The following ANK1 variants were observed in gnomAD, a reference collection of about 807,000 sequenced individuals.
ANK1 encodes the protein ankyrin 1.
In ANK1, 51 loss-of-function variants were observed where a neutral mutation model predicts 210.4. The ratio of observed to expected loss-of-function variants is 0.24; its 90% CI spans 0.19 to 0.31. The LOEUF is 0.31. ANK1 is among the 10% of genes least tolerant of loss of function. The pLI is 1.00. For synonymous variants in ANK1, 967 were observed against 1,025.9 expected, an observed-to-expected ratio of 0.94 and a Z score of 1.10; for missense variants, 2,051 against 2,504.4, an observed-to-expected ratio of 0.82 and a Z score of 3.86.
intron 1 of ANK1, among the ~76,000 whole-genome samples, chr8:41,759,547 G>A (rs552179003): frequency 6.6e-6 from 1 of 151,008 alleles, no homozygotes; most frequent in African/African-American, 2.4e-5. Flanking sequence ...ATACAGAAAA[G>A]CAATGCTGTA....
chr8:41,838,767 A>AAATAATAATAAT (rs58514602), intron 1 of ANK1, among the ~76,000 whole-genome samples: 38,893 of 139,990 alleles, frequency 0.28, 6,231 homozygotes, highest in East Asian at 0.69. Context: ...TCCGTCTCAA[A>AAATAATAATAAT]AATAATAATA....
rs749902877 is a variant in ANK1, at chr8:41,708,839, C to A, written c.1937G>T (p.Gly646Val). ...VTPLHLAAQE[G>V]HAEMVALLLS... ...CAGCAGAGCCACCATCTCTGCGTGGCCCTCCTGGGCGGCCAGGTGAAGGGG... is the reference window on the plus strand; with the variant it reads ...CAGCAGAGCCACCATCTCTGCGTGGACCTCCTGGGCGGCCAGGTGAAGGGG... The change falls in exon 17 of 43, where the codon GGC becomes GTC. Residue 646 changes from glycine (G) to valine (V), a missense_variant. This residue lies in a region of ANK1 where 1,413 missense variants were observed against 1,707.4 expected (regional missense o/e 0.83). Coordinates refer to ENST00000289734, the MANE Select transcript of ANK1 (RefSeq NM_000037.4). 1 of 1,614,086 alleles carries A rather than the reference C, an allele frequency of 6.2e-7. No individual in the cohort carries two copies. The highest frequency in any genetic ancestry group is 2.2e-5 in the East Asian group (1 of 44,890).
chr8:41,797,589 A>C lies in ANK1; in HGVS notation c.-51T>G. ...GAAGGGCCTTGGGGGCTTGAGGAGG[A>C]GCAGCTGGGGCTGGCGGACTCACCG... On this transcript the variant is annotated 5_prime_UTR_variant, in exon 1 of 43. Transcript: ENST00000289734. This position sits in a 1 kb window ranked among gnomAD's most constrained non-coding sequence, Gnocchi z 4.0. The C allele has an allele frequency of 5.6e-6, 9 of 1,610,460 alleles. No individual in the cohort carries two copies. Among genetic ancestry groups the C allele is most frequent in the African/African-American group, 1.3e-5 (1 of 74,886 alleles).
chr8:41,665,143 C>T lies in ANK1; in HGVS notation c.5395-1401G>A, dbSNP rs1810047954. The T allele has an allele frequency of 3.2e-6, 5 of 1,539,400 alleles. No homozygotes were observed. In the African/African-American group the frequency reaches 6.8e-5, roughly 21 times the overall value. ...CCAGGGACCCCTTGCATTCCCCCTCCCTATCTCTCTGGTTTGCTCTCTTGG... is the reference window on the plus strand; with the variant it reads ...CCAGGGACCCCTTGCATTCCCCCTCTCTATCTCTCTGGTTTGCTCTCTTGG... On this transcript the variant is annotated intron_variant, in intron 39 of 42. Coordinates refer to ENST00000289734, the MANE Select transcript of ANK1 (RefSeq NM_000037.4).
rs191922728 is a variant in ANK1, at chr8:41,656,532, C to A, written c.*37-779G>T. On this transcript the variant is annotated intron_variant, in intron 42 of 42. Transcript: ENST00000289734. ...TCAGCCTGGGATTCGCAGTGAGAAA[C>A]CTCTCCTGCCCCCATGGGGCCTCCA... Among the ~76,000 whole-genome samples the A allele has an allele frequency of 3.9e-3, 600 of 152,366 alleles. 9 individuals are homozygous for A. The highest frequency in any genetic ancestry group is 0.036 in the Admixed American group (550 of 15,312).
rs142103986 is a variant in ANK1, at chr8:41,672,080, C to T, written c.5096+274G>A. Among the ~76,000 whole-genome samples the T allele has an allele frequency of 1.8e-3, 268 of 152,246 alleles. 1 individual carries two copies. The highest frequency in any genetic ancestry group is 3.4e-3 in the Admixed American group (52 of 15,296). ...CCTAATGTCCCTAAGTGAGCCCTCC[C>T]GGCGCCCATATGTCCCTATGTGTGC... On this transcript the variant is annotated intron_variant, in intron 38 of 42. Transcript: ENST00000289734.
At position 41,688,218 on chromosome 8, in the gene ANK1, C is replaced by G; in HGVS notation, c.4196G>C (p.Gly1399Ala). ...CATCTTCATCTCTGCCTGCTCTGTCCCACTGAGAGAACCTGGGGAGAAGCA... is the reference window on the plus strand; with the variant it reads ...CATCTTCATCTCTGCCTGCTCTGTCGCACTGAGAGAACCTGGGGAGAAGCA... ...LSESTPGSLS[G>A]TEQAEMKMAV... Residue 1399 changes from glycine to alanine, a missense_variant, in exon 35 of 43, where the codon GGG becomes GCG. Physicochemically the swap from Gly to Ala is moderately conservative, Grantham distance 60 (BLOSUM62 0). Around this residue, in one of 6 missense-constraint regions of ANK1, gnomAD observed 1,413 missense variants for 1,707.4 expected, o/e 0.83. Transcript: ENST00000289734. 6.2e-7 allele frequency: 1 copy of G among 1,614,186 alleles called. No homozygotes were observed. The highest frequency in any genetic ancestry group is 8.5e-7 in the Non-Finnish European group (1 of 1,180,036).
chr8:41,816,111 A>C (rs1803284225), intron 1 of ANK1, among the ~76,000 whole-genome samples: 1 of 152,222 alleles, frequency 6.6e-6, no homozygotes, highest in African/African-American at 2.4e-5. Flanking sequence ...CTTAACAATT[A>C]TGTTTGGATT....
At chr8:41,681,345 T>C (rs1403064397) in intron 37 of ANK1, among the ~76,000 whole-genome samples, 1 of 152,272 alleles carries the variant, frequency 6.6e-6, no homozygotes, top group Non-Finnish European at 1.5e-5. Flanking sequence ...TATTTTATTT[T>C]GGATCTATAG....
At chr8:41,658,456 G>A (rs1806530060) in intron 42 of ANK1, among the ~76,000 whole-genome samples, 1 of 152,220 alleles carries the variant, frequency 6.6e-6, no homozygotes, top group Non-Finnish European at 1.5e-5. Context: ...CTCCCTTGAG[G>A]AGACTGAAGC....
At chr8:41,886,982 C>T (rs1343419626) in intron 1 of ANK1, among the ~76,000 whole-genome samples, 1 of 152,178 alleles carries the variant, frequency 6.6e-6, no homozygotes, top group African/African-American at 2.4e-5. Context: ...ACTGCCTGGG[C>T]TCTTGGGGGC....
chr8:41,677,778 T>C (rs764159387), intron 37 of ANK1, among the ~76,000 whole-genome samples: 6 of 151,892 alleles, frequency 4.0e-5, no homozygotes, highest in African/African-American at 7.3e-5. Flanking sequence ...TTTGTAGAGA[T>C]GGAGTTTCAC....
At chr8:41,749,831 C>T (rs1185536259) in intron 2 of ANK1, among the ~76,000 whole-genome samples, 2 of 152,030 alleles carry the variant, frequency 1.3e-5, no homozygotes, top group South Asian at 2.1e-4. Context: ...AGGCTCGTCT[C>T]GAACTCCTGA....
rs565297806 is a variant in ANK1 at position 41,659,796 on chromosome 8, C to T, written c.*36+1634G>A. On this transcript the variant is annotated intron_variant, in intron 42 of 42. Transcript: ENST00000289734. ...CCAGGCTGCTCCGTGTTTCTGACAC[C>T]CATGCTAGTGTGGTCCGGTCCTTAA... is the stretch of plus-strand genomic sequence containing the variant. 2.6e-5 allele frequency among the ~76,000 whole-genome samples: 4 copies of T among 151,360 alleles called. No individual in the cohort carries two copies. In the South Asian group the frequency reaches 8.4e-4, roughly 32 times the overall value.
chr8:41,818,639 T>C (rs931923718), intron 1 of ANK1, among the ~76,000 whole-genome samples: 1 of 151,686 alleles, frequency 6.6e-6, no homozygotes, highest in South Asian at 2.1e-4. Context: ...TTTTCTTTCT[T>C]CTTTCTTTCT....
chr8:41,879,704 G>A (rs1817248601), intron 1 of ANK1, among the ~76,000 whole-genome samples: 1 of 152,162 alleles, frequency 6.6e-6, no homozygotes, highest in African/African-American at 2.4e-5. Flanking sequence ...CGAGTGAGAA[G>A]GACCAACAAC....
chr8:41,659,950 A>G (rs1442038280), intron 42 of ANK1, among the ~76,000 whole-genome samples: 5 of 152,176 alleles, frequency 3.3e-5, no homozygotes, highest in African/African-American at 4.8e-5. Context: ...GAGCATCCAT[A>G]GAGCCTGAGC....
At position 41,694,841 on chromosome 8, in the gene ANK1, C is replaced by G. The variant is rs772806794; in HGVS notation, c.3116-38G>C. The G allele has an allele frequency of 1.2e-6, 2 of 1,605,580 alleles. No individual in the cohort carries two copies. Among genetic ancestry groups the G allele is most frequent in the South Asian group, 1.1e-5 (1 of 90,452 alleles). On this transcript the variant is annotated intron_variant, in intron 27 of 42. Coordinates refer to ENST00000289734, the MANE Select transcript of ANK1 (RefSeq NM_000037.4). This position sits in a 1 kb window ranked among gnomAD's most constrained non-coding sequence, Gnocchi z 5.7. Reference sequence around the variant, plus strand: ...ACACAGGCCACCACCCCGGTCACATCAGGCACAGGTTCAGGACTTCCAGGG... The same window carrying G: ...ACACAGGCCACCACCCCGGTCACATGAGGCACAGGTTCAGGACTTCCAGGG...
intron 42 of ANK1, among the ~76,000 whole-genome samples, chr8:41,657,053 C>A (rs1805980110): frequency 6.6e-6 from 1 of 152,166 alleles, no homozygotes; most frequent in Non-Finnish European, 1.5e-5. Context: ...GTCAAGGCTG[C>A]CTTCCATTCT....
Sources: allele counts gnomAD v4.1 joint callset (sites outside exome capture counted in the v4.1 genomes callset), GRCh38; gene constraint gnomAD v4.1.1; regional missense constraint gnomAD v4.1.1; non-coding constraint Gnocchi (gnomAD v3.1); transcripts MANE v1.5; gene names NCBI Gene and HGNC (gene_info 2026-07-23, HGNC 2026-07-21).